Variants in TAFA4 observed in about 807,000 individuals in gnomAD.
The protein encoded by TAFA4 is chemokine-like protein TAFA-4.
TAFA4 carries 20 observed loss-of-function variants against 21.1 expected under a neutral mutation model. That is an observed-to-expected ratio of 0.95 (90% CI 0.67 to 1.38). The LOEUF (loss-of-function observed/expected upper bound fraction) is 1.38. TAFA4 is among the 40% of genes most tolerant of loss of function. The pLI is 0.00. For synonymous variants in TAFA4, 71 were observed against 67.4 expected, an observed-to-expected ratio of 1.05 and a Z score of -0.26; for missense variants, 211 against 180.9, an observed-to-expected ratio of 1.17 and a Z score of -0.95.
chr3:68,892,660 G>A (rs1241114420), intron 1 of TAFA4, among the ~76,000 whole-genome samples: 2 of 152,150 alleles, frequency 1.3e-5, no homozygotes, highest in Non-Finnish European at 2.9e-5. Flanking sequence ...GACATGCTAT[G>A]TTTATATATG....
chr3:68,851,737 G>C (rs112226005), intron 3 of TAFA4, among the ~76,000 whole-genome samples: 1,659 of 152,304 alleles, frequency 0.011, 16 homozygotes, highest in Non-Finnish European at 0.017. Flanking sequence ...AAAACTCATT[G>C]AAAGGTTATA....
chr3:68,830,037 C>G (rs1704345603), intron 3 of TAFA4, among the ~76,000 whole-genome samples: 1 of 152,070 alleles, frequency 6.6e-6, no homozygotes, highest in South Asian at 2.1e-4. Flanking sequence ...GGTGATATCC[C>G]TTTTTTCAGG....
rs945239526 is a variant in TAFA4, at chr3:68,841,180, G to A, written c.130+39550C>T. On this transcript the variant is annotated intron_variant, in intron 3 of 5. Coordinates refer to ENST00000295569, the MANE Select transcript of TAFA4 (RefSeq NM_182522.5). ...CTACTAAAAATACAAAAAATTAGCC[G>A]GGCGTAGTGGCGCGCGCCTGTAGTC... is the stretch of plus-strand genomic sequence containing the variant. Among the ~76,000 whole-genome samples the A allele has an allele frequency of 2.9e-4, 32 of 110,918 alleles. 4 individuals carry two copies. The highest frequency in any genetic ancestry group is 9.1e-4 in the African/African-American group (29 of 31,872). 72.8% of individuals were successfully genotyped at this position (110,918 alleles called of 152,430 possible).
At chr3:68,801,544 T>C (rs910567488) in intron 3 of TAFA4, among the ~76,000 whole-genome samples, 3 of 152,200 alleles carry the variant, frequency 2.0e-5, no homozygotes, top group Admixed American at 6.5e-5. Flanking sequence ...TACAAATATC[T>C]GTTGACACAA....
At chr3:68,796,489 G>T (rs917276888) in intron 3 of TAFA4, among the ~76,000 whole-genome samples, 7 of 152,174 alleles carry the variant, frequency 4.6e-5, no homozygotes, top group African/African-American at 1.7e-4. Context: ...ATCTATATAT[G>T]TAACTCTAAA....
chr3:68,920,085 A>T (rs183073222), intron 1 of TAFA4, among the ~76,000 whole-genome samples: 1 of 152,330 alleles, frequency 6.6e-6, no homozygotes. Flanking sequence ...AGTAGAAAAA[A>T]CTGGGAAAAA....
At chr3:68,921,043 C>T (rs112630769) in intron 1 of TAFA4, among the ~76,000 whole-genome samples, 1,544 of 152,184 alleles carry the variant, frequency 0.01, 29 homozygotes, top group African/African-American at 0.035. Context: ...GGGAGGAGAA[C>T]TGTAGCATCT....
intron 3 of TAFA4, among the ~76,000 whole-genome samples, chr3:68,855,062 A>AATATCT (rs1323571722): frequency 6.6e-6 from 1 of 152,194 alleles, no homozygotes; most frequent in African/African-American, 2.4e-5. Context: ...GACAATGATA[A>AATATCT]GTAACAAATG....
intron 3 of TAFA4, among the ~76,000 whole-genome samples, chr3:68,853,241 T>C (rs1285007219): frequency 6.6e-6 from 1 of 152,064 alleles, no homozygotes; most frequent in African/African-American, 2.4e-5. Context: ...AAAAAAAACT[T>C]TTTTTTCTCT....
Position 68,874,416 on chromosome 3 carries a change from C to G in TAFA4, c.130+6314G>C, listed in dbSNP as rs190469528. On this transcript the variant is annotated intron_variant, in intron 3 of 5. Coordinates refer to ENST00000295569, the MANE Select transcript of TAFA4 (RefSeq NM_182522.5). ...CATTTTTCTTCCTGCCCCGTCTCTA[C>G]CCCTGCTGTTTCTTTTTACCAATGA... 1.6e-3 allele frequency among the ~76,000 whole-genome samples: 250 copies of G among 152,174 alleles called. 2 individuals carry two copies. Among genetic ancestry groups the G allele is most frequent in the Non-Finnish European group, 2.6e-4 (18 of 68,004 alleles).
At chr3:68,861,235 C>T (rs1334196659) in intron 3 of TAFA4, among the ~76,000 whole-genome samples, 1 of 151,812 alleles carries the variant, frequency 6.6e-6, no homozygotes, top group Admixed American at 6.6e-5. Flanking sequence ...CAGAAGTTAC[C>T]TGCGATGAGG....
rs144982300 is a variant in TAFA4 at position 68,898,519 on chromosome 3, G to A, written c.-122-13209C>T. Among the ~76,000 whole-genome samples, 254 of 152,216 alleles carry A rather than the reference G, an allele frequency of 1.7e-3. 1 individual carries two copies. Among genetic ancestry groups the A allele is most frequent in the Admixed American group, 4.1e-3 (62 of 15,284 alleles). ...AAATTAGCCAGGCATAGTGGCATGC[G>A]CCTATACTCCCAGCTACTAGGGAAG... On this transcript the variant is annotated intron_variant, in intron 1 of 5. Transcript: ENST00000295569.
intron 3 of TAFA4, among the ~76,000 whole-genome samples, chr3:68,772,175 A>G (rs991393813): frequency 2.6e-5 from 4 of 152,250 alleles, no homozygotes; most frequent in South Asian, 2.1e-4. Context: ...TCCACGTTCA[A>G]CGAAGAGCCT....
chr3:68,803,004 G>A (rs1488510557), intron 3 of TAFA4, among the ~76,000 whole-genome samples: 2 of 152,098 alleles, frequency 1.3e-5, no homozygotes, highest in Non-Finnish European at 2.9e-5. Context: ...CTCAGAAGAC[G>A]GTTTGTTCTA....
At chr3:68,883,651 A>T (rs536305817) in intron 2 of TAFA4, among the ~76,000 whole-genome samples, 1 of 152,256 alleles carries the variant, frequency 6.6e-6, no homozygotes, top group Non-Finnish European at 1.5e-5. Context: ...TGATAAAACC[A>T]TAAATTGATC....
At chr3:68,870,321 C>T (rs151062957) in intron 3 of TAFA4, among the ~76,000 whole-genome samples, 1 of 152,144 alleles carries the variant, frequency 6.6e-6, no homozygotes, top group East Asian at 1.9e-4. Flanking sequence ...AAACCAGTAA[C>T]ATTCTTCACA....
At chr3:68,739,265 A>C in intron 4 of TAFA4, 66 bp from the exon 5 acceptor site, 1 of 1,582,136 alleles carries the variant, frequency 6.3e-7, no homozygotes, top group Non-Finnish European at 8.6e-7. Flanking sequence ...ACAAAATAAA[A>C]CTCAATACAG....
intron 1 of TAFA4, among the ~76,000 whole-genome samples, chr3:68,893,794 T>C (rs971227366): frequency 1.3e-5 from 2 of 152,210 alleles, no homozygotes; most frequent in African/African-American, 4.8e-5. Flanking sequence ...CTGTATTACA[T>C]TTCAACCTTA....
intron 3 of TAFA4, among the ~76,000 whole-genome samples, chr3:68,784,714 T>C (rs1703217191): frequency 6.6e-6 from 1 of 152,234 alleles, no homozygotes; most frequent in African/African-American, 2.4e-5. Flanking sequence ...TTGCCACTAC[T>C]GGCTCAGGCA....
Sources: gnomAD v4.1 joint callset for allele counts (sites outside exome capture counted in the v4.1 genomes callset) on GRCh38, gnomAD v4.1.1 for gene constraint, MANE v1.5 for transcripts, NCBI Gene and HGNC (gene_info 2026-07-23, HGNC 2026-07-21) for gene names.